Variants in PITPNC1 observed in about 807,000 individuals in gnomAD.
The protein encoded by PITPNC1 is cytoplasmic phosphatidylinositol transfer protein 1.
PITPNC1 carries 18 observed loss-of-function variants against 44.7 expected under a neutral mutation model. That is an observed-to-expected ratio of 0.40 (90% CI 0.28 to 0.60). The LOEUF is 0.60. Among genes scored for constraint, PITPNC1 ranks in the 20% least tolerant of loss-of-function variants. The pLI is 0.39. For missense variants in PITPNC1, 290 were observed against 418.4 expected (o/e 0.69, Z 2.68); for synonymous variants, 141 against 149.6 (o/e 0.94, Z 0.42).
At chr17:67,528,890 A>G (rs2040424596) in intron 1 of PITPNC1, among the ~76,000 whole-genome samples, 1 of 152,118 alleles carries the variant, frequency 6.6e-6, no homozygotes, top group African/African-American at 2.4e-5. Flanking sequence ...CTGAGAGTCA[A>G]TACGAGATTT....
At chr17:67,692,523 C>G (rs763372703) in intron 8 of PITPNC1, 49 bp from the exon 9 acceptor site, 29 of 1,351,266 alleles carry the variant, frequency 2.1e-5, no homozygotes, top group Non-Finnish European at 2.6e-5. Context: ...ATCTATTTGC[C>G]TCTCTTATAA....
intron 1 of PITPNC1, among the ~76,000 whole-genome samples, chr17:67,527,931 G>C (rs2040411418): frequency 1.3e-5 from 2 of 152,210 alleles, no homozygotes; most frequent in African/African-American, 2.4e-5. Context: ...AGCCCAGGAA[G>C]TCGAGGCTGA....
chr17:67,417,066 A>C (rs981313978), intron 1 of PITPNC1, among the ~76,000 whole-genome samples: 2 of 152,084 alleles, frequency 1.3e-5, no homozygotes. Flanking sequence ...CGACCGCCTC[A>C]GCCTCCCAAA....
chr17:67,575,802 C>CTT lies in PITPNC1; in HGVS notation c.295-2382_295-2381dup, dbSNP rs1456685113. On this transcript the variant is annotated intron_variant, in intron 4 of 8. Coordinates refer to ENST00000581322, the MANE Select transcript of PITPNC1 (RefSeq NM_012417.4). ...CTTTCTTTTCTTTCTTTCCTTCTTT[C>CTT]TTTCTTTCTTTCTTTCTTTCCTTCC... Among the ~76,000 whole-genome samples, 276 of 130,170 alleles carry CTT rather than the reference C, an allele frequency of 2.1e-3. 3 individuals carry two copies. Among genetic ancestry groups the CTT allele is most frequent in the African/African-American group, 8.6e-3 (267 of 30,944 alleles). The allele number at this position is 130,170 out of a possible 152,430, so 85.4% of individuals were successfully genotyped here. A position where few individuals can be genotyped will look rare whatever the true frequency, so the allele number is the denominator to read the frequency against.
intron 5 of PITPNC1, among the ~76,000 whole-genome samples, chr17:67,599,034 A>ATATATATATATATATTTT (rs1461493250): frequency 2.8e-5 from 1 of 35,674 alleles, no homozygotes; most frequent in African/African-American, 1.1e-4. Context: ...ATATATATAT[A>ATATATATATATATATTTT]TTTTTTTTTT....
chr17:67,515,287 A>G (rs982113137), intron 1 of PITPNC1, among the ~76,000 whole-genome samples: 8 of 152,124 alleles, frequency 5.3e-5, no homozygotes, highest in Non-Finnish European at 1.2e-4. Flanking sequence ...GGGAATGGGG[A>G]GGAAGGCATG....
intron 1 of PITPNC1, among the ~76,000 whole-genome samples, chr17:67,486,763 A>C (rs1200934855): frequency 6.6e-6 from 1 of 151,740 alleles, no homozygotes; most frequent in African/African-American, 2.4e-5. Flanking sequence ...CATCCAGGAA[A>C]CCTCCTCCTC....
In PITPNC1 at chr17:67,696,027, C is replaced by CA. The variant is rs2043004956; in HGVS notation, c.*3142dup. ...ATTTTTAGTTGCCACCGTTGTAACTCAAACAATATGGGTTTGTTGGTGAAC... is the reference window on the plus strand; with the variant it reads ...ATTTTTAGTTGCCACCGTTGTAACTCAAAACAATATGGGTTTGTTGGTGAAC... On this transcript the variant is annotated 3_prime_UTR_variant, in exon 9 of 9. Transcript: ENST00000581322. 1 of 152,194 alleles carries CA rather than the reference C, an allele frequency of 6.6e-6. No homozygotes were observed. The highest frequency in any genetic ancestry group is 2.4e-5 in the African/African-American group (1 of 41,450). The allele number at this position is 152,194 out of a possible 1,614,324, so 9.4% of individuals were successfully genotyped here.
Position 67,548,501 on chromosome 17 carries a change from G to A in PITPNC1, c.198-3756G>A, listed in dbSNP as rs528359744. Among the ~76,000 whole-genome samples the A allele has an allele frequency of 1.8e-4, 27 of 152,302 alleles. 1 individual carries two copies. In the Middle Eastern group the frequency reaches 0.01, roughly 58 times the overall value. On this transcript the variant is annotated intron_variant, in intron 2 of 8. Coordinates refer to ENST00000581322, the MANE Select transcript of PITPNC1 (RefSeq NM_012417.4). ...AGCTACATGGTAGGCTGAGGCTGGA[G>A]AATCGCTTGGACCTGGGAGATGGAG...
At chr17:67,589,024 T>C (rs1426442764) in intron 5 of PITPNC1, among the ~76,000 whole-genome samples, 4 of 152,166 alleles carry the variant, frequency 2.6e-5, no homozygotes, top group African/African-American at 9.7e-5. Context: ...AAAAAGGAGG[T>C]TGCACAAAAC....
At chr17:67,590,283 A>C (rs896556453) in intron 5 of PITPNC1, among the ~76,000 whole-genome samples, 7 of 152,228 alleles carry the variant, frequency 4.6e-5, no homozygotes, top group African/African-American at 1.7e-4. Context: ...TAAAATAGCC[A>C]CACTGAAAAG....
At chr17:67,529,197 C>T (rs1312274319) in intron 1 of PITPNC1, among the ~76,000 whole-genome samples, 1 of 152,214 alleles carries the variant, frequency 6.6e-6, no homozygotes, top group African/African-American at 2.4e-5. Flanking sequence ...AATCAGCTGC[C>T]TCGGCCATTC....
intron 6 of PITPNC1, among the ~76,000 whole-genome samples, chr17:67,642,940 T>C (rs547011412): frequency 6.6e-6 from 1 of 152,342 alleles, no homozygotes; most frequent in East Asian, 1.9e-4. Context: ...AGAGCAGCAG[T>C]TGCAAATCCT....
chr17:67,641,813 T>C (rs2042096216), intron 6 of PITPNC1, among the ~76,000 whole-genome samples: 1 of 148,530 alleles, frequency 6.7e-6, no homozygotes, highest in Non-Finnish European at 1.5e-5. Flanking sequence ...ATAATAATAA[T>C]AATAATAATA....
At chr17:67,667,580 G>A (rs577243957) in intron 6 of PITPNC1, among the ~76,000 whole-genome samples, 102 of 150,312 alleles carry the variant, frequency 6.8e-4, no homozygotes, top group Non-Finnish European at 1.6e-4. Context: ...CATGTTCTAA[G>A]GTATCTCTGA....
At chr17:67,602,195 A>T (rs1405253543) in intron 5 of PITPNC1, among the ~76,000 whole-genome samples, 1 of 152,224 alleles carries the variant, frequency 6.6e-6, no homozygotes, top group Non-Finnish European at 1.5e-5. Context: ...TCTTCAGGGT[A>T]GGTTCAGCAA....
rs1313719754 is a variant in PITPNC1, at chr17:67,502,744, C to CATTGCATTGTATTGTATTGT, written c.49-30054_49-30053insCATTGTATTGTATTGTATTG. 3.8e-3 allele frequency among the ~76,000 whole-genome samples: 525 copies of CATTGCATTGTATTGTATTGT among 137,912 alleles called. 4 individuals carry two copies. Among genetic ancestry groups the CATTGCATTGTATTGTATTGT allele is most frequent in the African/African-American group, 0.013 (453 of 34,660 alleles). 90.5% of individuals were successfully genotyped at this position (137,912 alleles called of 152,430 possible). A position where few individuals can be genotyped will look rare whatever the true frequency, so the allele number is the denominator to read the frequency against. On this transcript the variant is annotated intron_variant, in intron 1 of 8. Coordinates refer to ENST00000581322, the MANE Select transcript of PITPNC1 (RefSeq NM_012417.4). ...GAAGTAAGATTATTGCATTGCATTG[C>CATTGCATTGTATTGTATTGT]ATTGTATTGTATTGTATTGTATTGT...
chr17:67,434,954 C>T (rs898543283), intron 1 of PITPNC1, among the ~76,000 whole-genome samples: 2 of 151,162 alleles, frequency 1.3e-5, no homozygotes, highest in African/African-American at 2.4e-5. Context: ...ACTAAAAATA[C>T]AAAAATTAGC....
chr17:67,425,469 C>G (rs2143879485), intron 1 of PITPNC1, among the ~76,000 whole-genome samples: 1 of 145,000 alleles, frequency 6.9e-6, no homozygotes, highest in Admixed American at 6.9e-5. Context: ...CTCTCCCTTC[C>G]CCTCCCTCCC....
Sources: allele counts gnomAD v4.1 joint callset (sites outside exome capture counted in the v4.1 genomes callset), GRCh38; gene constraint gnomAD v4.1.1; transcripts MANE v1.5; gene names NCBI Gene and HGNC (gene_info 2026-07-23, HGNC 2026-07-21).